TSHR: variants seen among roughly 807,000 people sequenced by gnomAD.
TSHR encodes the protein thyrotropin receptor.
Under a neutral mutation model 64.1 loss-of-function variants are expected in TSHR, and 51 were observed. That is an observed-to-expected ratio of 0.80 (90% CI 0.64 to 1.01). The LOEUF (loss-of-function observed/expected upper bound fraction) is 1.01, where lower values mean the gene tolerates loss of function less well. Among genes scored for constraint, TSHR ranks in the 50% least tolerant of loss-of-function variants. The pLI is 0.00. For missense variants in TSHR, 877 were observed against 942.8 expected, an observed-to-expected ratio of 0.93 and a Z score of 0.91; for synonymous variants, 361 against 361.9, an observed-to-expected ratio of 1.00 and a Z score of 0.03.
chr14:80,964,153 G>A (rs1281150369), intron 1 of TSHR, among the ~76,000 whole-genome samples: 1 of 152,122 alleles, frequency 6.6e-6, no homozygotes, highest in Non-Finnish European at 1.5e-5. Flanking sequence ...GGATCACGAG[G>A]TCAGGAGATC....
chr14:81,058,109 A>C (rs1445665022), intron 1 of TSHR, among the ~76,000 whole-genome samples: 3 of 152,230 alleles, frequency 2.0e-5, no homozygotes, highest in Non-Finnish European at 4.4e-5. Context: ...CTCTCTTTAC[A>C]TTAACCATAT....
chr14:81,133,141 G>A (rs965176899), intron 8 of TSHR, among the ~76,000 whole-genome samples: 1 of 152,192 alleles, frequency 6.6e-6, no homozygotes, highest in Non-Finnish European at 1.5e-5. Context: ...ATACAGTAGT[G>A]ATTAAAAGTT....
chr14:81,035,859 G>A (rs1030067151), intron 1 of TSHR, among the ~76,000 whole-genome samples: 1 of 148,980 alleles, frequency 6.7e-6, no homozygotes, highest in African/African-American at 2.5e-5. Context: ...AGCCTTTGTG[G>A]TAGTGTCAAA....
At chr14:81,035,642 T>G (rs1393003764) in intron 1 of TSHR, among the ~76,000 whole-genome samples, 3 of 152,238 alleles carry the variant, frequency 2.0e-5, no homozygotes, top group Admixed American at 6.5e-5. Flanking sequence ...TTCCATTGTT[T>G]ATTCCCTACC....
At chr14:81,110,791 C>T (rs1890191957) in intron 8 of TSHR, among the ~76,000 whole-genome samples, 1 of 151,988 alleles carries the variant, frequency 6.6e-6, no homozygotes, top group African/African-American at 2.4e-5. Context: ...TGGTGAAACA[C>T]CCATCTTTGG....
intron 3 of TSHR, among the ~76,000 whole-genome samples, chr14:81,081,007 G>T (rs921192484): frequency 2.6e-5 from 4 of 152,164 alleles, no homozygotes. Context: ...TTAGCTAAGA[G>T]AATGGTCAAA....
chr14:81,062,361 C>CATAAAATTATGTACATAAA, intron 2 of TSHR, 142 bp downstream of exon 2: 1 of 605,308 alleles, frequency 1.7e-6, no homozygotes, highest in East Asian at 2.9e-5. Context: ...ATTTTATGTA[C>CATAAAATTATGTACATAAA]ATGATTTTTA....
intron 7 of TSHR, among the ~76,000 whole-genome samples, chr14:81,107,457 G>A (rs547120911): frequency 6.6e-6 from 1 of 152,258 alleles, no homozygotes; most frequent in African/African-American, 2.4e-5. Flanking sequence ...CTTCTTTTTA[G>A]ATAATTTTGT....
intron 1 of TSHR, among the ~76,000 whole-genome samples, chr14:81,021,639 T>C (rs1233125524): frequency 1.3e-5 from 2 of 152,216 alleles, no homozygotes; most frequent in African/African-American, 2.4e-5. Context: ...TTATATTCAA[T>C]GGACATTGTT....
At chr14:81,015,094 C>G (rs539853975) in intron 1 of TSHR, among the ~76,000 whole-genome samples, 2 of 152,082 alleles carry the variant, frequency 1.3e-5, no homozygotes, top group African/African-American at 2.4e-5. Context: ...GATATAAACT[C>G]AAAACCTCAC....
intron 1 of TSHR, among the ~76,000 whole-genome samples, chr14:80,988,986 C>T (rs866928599): frequency 1.3e-5 from 2 of 152,226 alleles, no homozygotes; most frequent in Non-Finnish European, 2.9e-5. Flanking sequence ...GCTAGCCACA[C>T]ACCAGTATTT....
At chr14:81,126,343 T>A (rs978402647) in intron 8 of TSHR, among the ~76,000 whole-genome samples, 4 of 152,192 alleles carry the variant, frequency 2.6e-5, no homozygotes, top group Non-Finnish European at 5.9e-5. Context: ...CGAAAGATTT[T>A]TACTTTAAAT....
chr14:81,088,996 T>C (rs1180299052), intron 4 of TSHR, among the ~76,000 whole-genome samples: 1 of 151,236 alleles, frequency 6.6e-6, no homozygotes, highest in East Asian at 1.9e-4. Flanking sequence ...CTTTTTTTTT[T>C]TTTTTTTTGA....
At chr14:80,972,454 C>G (rs1207962046) in intron 1 of TSHR, among the ~76,000 whole-genome samples, 5 of 152,026 alleles carry the variant, frequency 3.3e-5, no homozygotes, top group Non-Finnish European at 5.9e-5. Context: ...TCTTTTTTGA[C>G]TTTTATGTCA....
chr14:81,038,968 G>T (rs1165171758), intron 1 of TSHR, among the ~76,000 whole-genome samples: 1 of 151,522 alleles, frequency 6.6e-6, no homozygotes, highest in East Asian at 1.9e-4. Flanking sequence ...AATATTTAAA[G>T]AATAATTAAT....
chr14:80,990,768 C>T (rs543532534), intron 1 of TSHR, among the ~76,000 whole-genome samples: 1 of 152,238 alleles, frequency 6.6e-6, no homozygotes, highest in South Asian at 2.1e-4. Context: ...GATTCTCCTG[C>T]CTCAGCCTTC....
intron 1 of TSHR, among the ~76,000 whole-genome samples, chr14:81,058,196 C>T (rs1009607403): frequency 1.3e-5 from 2 of 152,198 alleles, no homozygotes; most frequent in African/African-American, 4.8e-5. Context: ...ATCTGCAAGT[C>T]AGTCAGTCAT....
chr14:81,032,146 G>A (rs934968589), intron 1 of TSHR, among the ~76,000 whole-genome samples: 5 of 152,184 alleles, frequency 3.3e-5, no homozygotes, highest in Non-Finnish European at 7.3e-5. Context: ...TGAACAAAGA[G>A]ATAGATATCA....
chr14:81,136,038 T>G lies in TSHR; in HGVS notation c.693-3641T>G, dbSNP rs189551084. 3.2e-4 allele frequency among the ~76,000 whole-genome samples: 48 copies of G among 152,152 alleles called. 1 individual carries two copies. The highest frequency in any genetic ancestry group is 1.3e-4 in the Non-Finnish European group (9 of 68,018). ...TGTCTTCAAGTATAATAGATTCTAA[T>G]TTTGTCTGTAAGTGGCCTTAGAGCT... On this transcript the variant is annotated intron_variant, in intron 8 of 9. Coordinates refer to ENST00000298171, the MANE Select transcript of TSHR (RefSeq NM_000369.5).
Sources: gnomAD v4.1 joint callset for allele counts (sites outside exome capture counted in the v4.1 genomes callset) on GRCh38, gnomAD v4.1.1 for gene constraint, MANE v1.5 for transcripts, NCBI Gene and HGNC (gene_info 2026-07-23, HGNC 2026-07-21) for gene names.